The following SLIT3 variants were observed in gnomAD, a reference collection of about 807,000 sequenced individuals.
SLIT3 encodes slit homolog 3 protein.
SLIT3 carries 68 observed loss-of-function variants against 184.0 expected under a neutral mutation model. That is an observed-to-expected ratio of 0.37 (90% CI 0.30 to 0.45). SLIT3 has a LOEUF of 0.45. Among genes scored for constraint, SLIT3 ranks in the 20% least tolerant of loss-of-function variants. The probability of loss-of-function intolerance (pLI) is 1.00; values close to 1 mark genes in which losing one functional copy is unlikely to be tolerated. For missense variants in SLIT3, 1,707 were observed against 2,026.0 expected (o/e 0.84, Z 3.02); for synonymous variants, 831 against 828.6 (o/e 1.00, Z -0.05).
At chr5:169,043,882 G>A (rs1757532287) in intron 4 of SLIT3, among the ~76,000 whole-genome samples, 1 of 152,172 alleles carries the variant, frequency 6.6e-6, no homozygotes, top group African/African-American at 2.4e-5. Flanking sequence ...CTCAAGATTG[G>A]GATGATGCAG....
chr5:168,877,870 A>AC (rs149489782), intron 5 of SLIT3, among the ~76,000 whole-genome samples: 1 of 152,080 alleles, frequency 6.6e-6, no homozygotes, highest in East Asian at 1.9e-4. Flanking sequence ...ATTTAAAAAA[A>AC]AACAATCCCT....
At chr5:168,968,724 C>T (rs1487994146) in intron 4 of SLIT3, among the ~76,000 whole-genome samples, 4 of 152,182 alleles carry the variant, frequency 2.6e-5, no homozygotes, top group African/African-American at 9.7e-5. Context: ...TTCACACTGT[C>T]TTGGCTACAC....
In SLIT3 at chr5:168,789,547, G is replaced by A. The variant is rs780289130; in HGVS notation, c.1079+13C>T. 21 of 1,608,748 alleles carry A rather than the reference G, an allele frequency of 1.3e-5. No homozygotes were observed. The East Asian group carries it at 1.8e-4, about 14-fold the overall frequency. On this transcript the variant is annotated intron_variant, in intron 11 of 35. Coordinates refer to ENST00000519560, the MANE Select transcript of SLIT3 (RefSeq NM_003062.4). Reference sequence around the variant, plus strand: ...CTCCCCTCACCTCAGGCCCCAACTCGGGCCCCACTTACAGCGATGTGAGTG... The same window carrying A: ...CTCCCCTCACCTCAGGCCCCAACTCAGGCCCCACTTACAGCGATGTGAGTG...
At chr5:168,777,071 A>AT (rs1339557245) in intron 12 of SLIT3, among the ~76,000 whole-genome samples, 1 of 24,242 alleles carries the variant, frequency 4.1e-5, no homozygotes, top group African/African-American at 2.0e-4. Flanking sequence ...TACAACACAC[A>AT]CACACACACA....
At chr5:168,786,022 G>A in intron 11 of SLIT3, 44 bp from the exon 12 acceptor site, 2 of 1,386,712 alleles carry the variant, frequency 1.4e-6, no homozygotes, top group Admixed American at 1.7e-5. Flanking sequence ...TGGATGTGAG[G>A]CCACCAGAAC....
rs551264799 is a variant in SLIT3 at position 168,771,852 on chromosome 5, C to T, written c.1459+929G>A. ...TGGCATTCTCCCCGGGAAGACTCGC[C>T]TGCATCAGAAGCTCCTGGGCAAGGG... On this transcript the variant is annotated intron_variant, in intron 14 of 35. Transcript: ENST00000519560. 5.9e-5 allele frequency among the ~76,000 whole-genome samples: 9 copies of T among 152,298 alleles called. No homozygotes were observed. In the South Asian group the frequency reaches 1.5e-3, roughly 25 times the overall value.
intron 1 of SLIT3, among the ~76,000 whole-genome samples, chr5:169,278,709 A>G (rs563536467): frequency 6.6e-6 from 1 of 152,272 alleles, no homozygotes; most frequent in South Asian, 2.1e-4. Context: ...TTTTCCAGGT[A>G]CAGAGCCAAG....
chr5:169,214,781 G>C lies in SLIT3; in HGVS notation c.342-21231C>G, dbSNP rs192012364. Among the ~76,000 whole-genome samples the C allele has an allele frequency of 2.6e-5, 4 of 152,246 alleles. No homozygotes were observed. In the East Asian group the frequency reaches 7.7e-4, roughly 29 times the overall value. ...TGTCATCTCCTTCCATCCCCAACCT[G>C]GTCCCCATCTCAGAGAATAGCTCTG... On this transcript the variant is annotated intron_variant, in intron 3 of 35. Transcript: ENST00000519560.
chr5:168,950,996 G>A (rs1016354052), intron 4 of SLIT3, among the ~76,000 whole-genome samples: 1 of 152,158 alleles, frequency 6.6e-6, no homozygotes, highest in African/African-American at 2.4e-5. Context: ...CAAGGCTGGT[G>A]GATTACTTGA....
At chr5:169,177,342 C>A in intron 4 of SLIT3, among the ~76,000 whole-genome samples, 1 of 152,132 alleles carries the variant, frequency 6.6e-6, no homozygotes, top group African/African-American at 2.4e-5. Flanking sequence ...AGATTTAGTG[C>A]TAAGTGAACT....
At position 169,032,922 on chromosome 5, in the gene SLIT3, ATTTTTTTTT is replaced by A. The variant is rs199911562; in HGVS notation, c.414-149595_414-149587del. ...TCTCATAAGTATCCATTTTTCCTTG[ATTTTTTTTT>A]TTTTTTTTTTTTTTTTTTTGGTGGC... is the stretch of plus-strand genomic sequence containing the variant. On this transcript the variant is annotated intron_variant, in intron 4 of 35. Coordinates refer to ENST00000519560, the MANE Select transcript of SLIT3 (RefSeq NM_003062.4). 1.5e-4 allele frequency among the ~76,000 whole-genome samples: 13 copies of A among 88,134 alleles called. No homozygotes were observed. The East Asian group carries it at 2.4e-3, about 16-fold the overall frequency. The allele number at this position is 88,134 out of a possible 152,430, so 57.8% of individuals were successfully genotyped here. A position where few individuals can be genotyped will look rare whatever the true frequency, so the allele number is the denominator to read the frequency against.
chr5:169,266,987 A>G (rs1766418379), intron 1 of SLIT3, among the ~76,000 whole-genome samples: 1 of 152,212 alleles, frequency 6.6e-6, no homozygotes, highest in African/African-American at 2.4e-5. Context: ...CCCAACCAAC[A>G]TTAAGGTCCA....
At chr5:169,208,994 A>G (rs1000729842) in intron 3 of SLIT3, among the ~76,000 whole-genome samples, 6 of 152,368 alleles carry the variant, frequency 3.9e-5, no homozygotes, top group Admixed American at 3.9e-4. Context: ...AGAGCAAAAG[A>G]AACTATCATC....
chr5:169,076,149 T>C (rs1179068386), intron 4 of SLIT3, among the ~76,000 whole-genome samples: 2 of 152,204 alleles, frequency 1.3e-5, no homozygotes, highest in African/African-American at 4.8e-5. Context: ...ACTCCTGTCC[T>C]TGGTCTGGCA....
Position 169,204,624 on chromosome 5 carries a change from G to C in SLIT3, c.342-11074C>G, listed in dbSNP as rs116610317. On this transcript the variant is annotated intron_variant, in intron 3 of 35. Coordinates refer to ENST00000519560, the MANE Select transcript of SLIT3 (RefSeq NM_003062.4). ...GTGCAAAGGGATGGCAGTGGCCTTTGGCAGGGCCAGAGACGGGTCACCTGT... is the reference window on the plus strand; with the variant it reads ...GTGCAAAGGGATGGCAGTGGCCTTTCGCAGGGCCAGAGACGGGTCACCTGT... 9.8e-3 allele frequency among the ~76,000 whole-genome samples: 1,490 copies of C among 152,274 alleles called. 38 individuals carry two copies. The highest frequency in any genetic ancestry group is 0.034 in the African/African-American group (1,417 of 41,526).
At chr5:169,162,863 G>A (rs561332402) in intron 4 of SLIT3, among the ~76,000 whole-genome samples, 2 of 152,306 alleles carry the variant, frequency 1.3e-5, no homozygotes, top group South Asian at 2.1e-4. Flanking sequence ...TGTCAGCCAG[G>A]TGATACAGGA....
chr5:168,908,479 C>G (rs1201295938), intron 4 of SLIT3, among the ~76,000 whole-genome samples: 1 of 152,132 alleles, frequency 6.6e-6, no homozygotes, highest in Admixed American at 6.5e-5. Flanking sequence ...ACGGGAGACA[C>G]TGAAGAGCCT....
chr5:169,103,909 G>A (rs1039692741), intron 4 of SLIT3, among the ~76,000 whole-genome samples: 9 of 152,198 alleles, frequency 5.9e-5, no homozygotes, highest in African/African-American at 2.2e-4. Flanking sequence ...ATGCAGGGCC[G>A]AGTGGCCCTG....
At chr5:168,985,767 A>C (rs1293512517) in intron 4 of SLIT3, among the ~76,000 whole-genome samples, 2 of 152,170 alleles carry the variant, frequency 1.3e-5, no homozygotes, top group African/African-American at 4.8e-5. Context: ...GTCTTGCTAC[A>C]GTGAGGAGAG....
Sources: gnomAD v4.1 joint callset for allele counts (sites outside exome capture counted in the v4.1 genomes callset) on GRCh38, gnomAD v4.1.1 for gene constraint, MANE v1.5 for transcripts, NCBI Gene and HGNC (gene_info 2026-07-23, HGNC 2026-07-21) for gene names.